The following ZNF556 variants were observed in gnomAD, a reference collection of about 807,000 sequenced individuals.
ZNF556 encodes the protein zinc finger protein 556.
Under a neutral mutation model 13.6 loss-of-function variants are expected in ZNF556, and 11 were observed. The observed-to-expected ratio is 0.81, with a 90% CI of 0.51 to 1.33. ZNF556 has a LOEUF of 1.33. Ranked by LOEUF, ZNF556 falls within the 40% of genes most tolerant of loss-of-function variation. The pLI is 0.00. For synonymous variants in ZNF556, 229 were observed against 207.8 expected, an observed-to-expected ratio of 1.10 and a Z score of -0.88; for missense variants, 633 against 566.2, an observed-to-expected ratio of 1.12 and a Z score of -1.20.
intron 1 of ZNF556, among the ~76,000 whole-genome samples, chr19:2,873,148 T>A (rs897176814): frequency 4.8e-4 from 61 of 127,138 alleles, no homozygotes; most frequent in African/African-American, 1.7e-3. Flanking sequence ...AAAAAAAAAA[T>A]GAAATGTACT....
In ZNF556 at chr19:2,878,740, A is replaced by T. The variant is rs2087883054; in HGVS notation, c.*411A>T. The stretch of plus-strand genomic sequence containing the variant: ...CGTTTATAAATATGGTATTGCCTTT[A>T]TCAGGACCACATCCTAAAAGTGGGC... On this transcript the variant is annotated 3_prime_UTR_variant, in exon 4 of 4. Transcript: ENST00000307635. The T allele has an allele frequency of 6.2e-6, 1 of 161,062 alleles. No individual in the cohort carries two copies. Among genetic ancestry groups the T allele is most frequent in the African/African-American group, 2.4e-5 (1 of 41,506 alleles). The allele number at this position is 161,062 out of a possible 1,614,324, so 10.0% of individuals were successfully genotyped here.
rs773965820 is a variant in ZNF556, at chr19:2,877,926, C to A, written c.968C>A (p.Ala323Glu). 13 of 1,614,092 alleles carry A rather than the reference C, an allele frequency of 8.1e-6. No homozygotes were observed. The highest frequency in any genetic ancestry group is 8.5e-6 in the Non-Finnish European group (10 of 1,180,050). ...TATAAGTGTGGAAAATGCGGGAAAG[C>A]ATTCGGTTGGCCCTCATCCTTACAC... is the stretch of plus-strand genomic sequence containing the variant. ...KPYKCGKCGKAFGWPSSLHKH... is the reference protein window; with the variant it reads ...KPYKCGKCGKEFGWPSSLHKH... The change falls in exon 4 of 4, where the codon GCA becomes GAA. Residue 323 changes from alanine (A) to glutamate (E), a missense_variant. By Grantham distance (107) the Ala-to-Glu change is moderately radical (BLOSUM62 -1). Transcript: ENST00000307635.
At chr19:2,868,214 G>A (rs985558610) in intron 1 of ZNF556, among the ~76,000 whole-genome samples, 4 of 151,644 alleles carry the variant, frequency 2.6e-5, no homozygotes, top group South Asian at 2.1e-4. Flanking sequence ...AGCCCTTGAC[G>A]GGGCTCCCGG....
chr19:2,878,592 C>G lies in ZNF556; in HGVS notation c.*263C>G, dbSNP rs560217414. ...TCAGGAGGCTGAGGCAGGAGAACGG[C>G]GTGAACCCGGGAGGCGGAGCTTGCA... On this transcript the variant is annotated 3_prime_UTR_variant, in exon 4 of 4. Transcript: ENST00000307635. 3 of 305,678 alleles carry G rather than the reference C, an allele frequency of 9.8e-6. No individual in the cohort carries two copies. Among genetic ancestry groups the G allele is most frequent in the African/African-American group, 6.6e-5 (3 of 45,370 alleles). The allele number at this position is 305,678 out of a possible 1,614,324, so 18.9% of individuals were successfully genotyped here. A position where few individuals can be genotyped will look rare whatever the true frequency, so the allele number is the denominator to read the frequency against.
intron 1 of ZNF556, among the ~76,000 whole-genome samples, chr19:2,867,743 AC>A (rs1411253976): frequency 2.3e-5 from 3 of 131,630 alleles, no homozygotes; most frequent in Non-Finnish European, 4.9e-5. Context: ...AAAAAACCTC[AC>A]CCCAGCGAGG....
Position 2,882,531 on chromosome 19 carries a change from A to ATACTGT in ZNF556, c.*4202_*4203insTACTGT, listed in dbSNP as rs57053138. 1 of 127,722 alleles carries ATACTGT rather than the reference A, an allele frequency of 7.8e-6. No individual in the cohort carries two copies. Among genetic ancestry groups the ATACTGT allele is most frequent in the Admixed American group, 8.2e-5 (1 of 12,132 alleles). 7.9% of individuals were successfully genotyped at this position (127,722 alleles called of 1,614,324 possible). ...ATACATTTTATATATATATATATATAGTGTGTGTGTGTGTGTGTGTGTGTG... is the reference window on the plus strand; with the variant it reads ...ATACATTTTATATATATATATATATATACTGTGTGTGTGTGTGTGTGTGTGTGTGTG... On this transcript the variant is annotated 3_prime_UTR_variant, in exon 4 of 4. Coordinates refer to ENST00000307635, the MANE Select transcript of ZNF556 (RefSeq NM_024967.3).
intron 1 of ZNF556, among the ~76,000 whole-genome samples, chr19:2,872,168 C>T (rs1040913005): frequency 8.6e-5 from 13 of 151,952 alleles, no homozygotes; most frequent in Admixed American, 3.9e-4. Context: ...TAACTGCGGG[C>T]GGGCCTGACT....
Position 2,877,825 on chromosome 19 carries a change from C to T in ZNF556, c.867C>T (p.Cys289=). 1.2e-6 allele frequency: 2 copies of T among 1,614,078 alleles called. No homozygotes were observed. The highest frequency in any genetic ancestry group is 1.7e-6 in the Non-Finnish European group (2 of 1,180,020). ...IMHAGGRPYE[C]KQCGKAYCWA... is the part of the protein sequence containing the mutation. ...ACGCCGGAGGGAGACCGTATGAGTG[C>T]AAGCAGTGTGGGAAAGCCTACTGCT... The change falls in exon 4 of 4, where the codon TGC becomes TGT. Residue 289 remains cysteine (C), a synonymous_variant. Coordinates refer to ENST00000307635, the MANE Select transcript of ZNF556 (RefSeq NM_024967.3).
chr19:2,869,729 A>C (rs916630536), intron 1 of ZNF556, among the ~76,000 whole-genome samples: 1 of 151,968 alleles, frequency 6.6e-6, no homozygotes, highest in African/African-American at 2.4e-5. Context: ...TGACACGCCT[A>C]CTTCTCATCT....
Position 2,877,858 on chromosome 19 carries a change from A to G in ZNF556, c.900A>G (p.Thr300=), listed in dbSNP as rs368367710. 4 of 1,614,090 alleles carry G rather than the reference A, an allele frequency of 2.5e-6. No individual in the cohort carries two copies. Among genetic ancestry groups the G allele is most frequent in the South Asian group, 1.1e-5 (1 of 91,090 alleles). Residue 300 remains threonine (T), a synonymous_variant, in exon 4 of 4, where the codon ACA becomes ACG. Coordinates refer to ENST00000307635, the MANE Select transcript of ZNF556 (RefSeq NM_024967.3). Reference sequence around the variant, plus strand: ...GTGGGAAAGCCTACTGCTGGGCAACATCCTTTCAACGACACGTGAGAATTC... The same window carrying G: ...GTGGGAAAGCCTACTGCTGGGCAACGTCCTTTCAACGACACGTGAGAATTC... ...KQCGKAYCWA[T]SFQRHVRIHN...
rs2087879421 is a variant in ZNF556, at chr19:2,878,421, A to C, written c.*92A>C. 8.1e-6 allele frequency: 11 copies of C among 1,354,796 alleles called. No individual in the cohort carries two copies. In the South Asian group the frequency reaches 1.5e-4, roughly 19 times the overall value. 83.9% of individuals were successfully genotyped at this position (1,354,796 alleles called of 1,614,324 possible). The stretch of plus-strand genomic sequence containing the variant: ...CGCAGTGGCTCACGCCTGTAATCCC[A>C]GCACTTTGGGAGGCCGAGGCAGGCG... On this transcript the variant is annotated 3_prime_UTR_variant, in exon 4 of 4. Transcript: ENST00000307635.
At position 2,880,325 on chromosome 19, in the gene ZNF556, C is replaced by T; in HGVS notation, c.*1996C>T. Reference sequence around the variant, plus strand: ...GTTTTTAAAGAAGTTGGATTCTATACAAATGGATAAAATGTTTCTTAGAAA... The same window carrying T: ...GTTTTTAAAGAAGTTGGATTCTATATAAATGGATAAAATGTTTCTTAGAAA... On this transcript the variant is annotated 3_prime_UTR_variant, in exon 4 of 4. Coordinates refer to ENST00000307635, the MANE Select transcript of ZNF556 (RefSeq NM_024967.3). 6.6e-6 allele frequency: 1 copy of T among 152,134 alleles called. No individual in the cohort carries two copies. Among genetic ancestry groups the T allele is most frequent in the East Asian group, 1.9e-4 (1 of 5,198 alleles). The allele number at this position is 152,134 out of a possible 1,614,324, so 9.4% of individuals were successfully genotyped here.
At chr19:2,869,772 G>A (rs528720203) in intron 1 of ZNF556, among the ~76,000 whole-genome samples, 1 of 152,286 alleles carries the variant, frequency 6.6e-6, no homozygotes, top group East Asian at 1.9e-4. Context: ...TGGTGTCCCG[G>A]TGTCTGTATG....
rs567969820 is a variant in ZNF556 at position 2,878,438 on chromosome 19, A to T, written c.*109A>T. The T allele has an allele frequency of 1.1e-4, 123 of 1,083,776 alleles. No homozygotes were observed. In the African/African-American group the frequency reaches 1.7e-3, roughly 15 times the overall value. The allele number at this position is 1,083,776 out of a possible 1,614,324, so 67.1% of individuals were successfully genotyped here. ...GTAATCCCAGCACTTTGGGAGGCCG[A>T]GGCAGGCGGATCACGAGGTCAGGAG... On this transcript the variant is annotated 3_prime_UTR_variant, in exon 4 of 4. Coordinates refer to ENST00000307635, the MANE Select transcript of ZNF556 (RefSeq NM_024967.3).
rs904719203 is a variant in ZNF556 at position 2,881,799 on chromosome 19, T to C, written c.*3470T>C. ...GAACTGCTCATGAGTTAGGAAATAG[T>C]GAGCAGTAATACAGAAATAACGGCA... On this transcript the variant is annotated 3_prime_UTR_variant, in exon 4 of 4. Transcript: ENST00000307635. The C allele has an allele frequency of 1.3e-5, 2 of 151,918 alleles. No homozygotes were observed. The highest frequency in any genetic ancestry group is 2.4e-5 in the African/African-American group (1 of 41,352). 9.4% of individuals were successfully genotyped at this position (151,918 alleles called of 1,614,324 possible).
At position 2,878,634 on chromosome 19, in the gene ZNF556, C is replaced by CGG. The variant is rs1568355535; in HGVS notation, c.*305_*306insGG. On this transcript the variant is annotated 3_prime_UTR_variant, in exon 4 of 4. Transcript: ENST00000307635. The stretch of plus-strand genomic sequence containing the variant: ...GAGCTTGCAGTGAGCCGAGATGGCA[C>CGG]CACTGCACTCCAGCCTGGGTGACAG... 4 of 232,618 alleles carry CGG rather than the reference C, an allele frequency of 1.7e-5. No homozygotes were observed. The East Asian group carries it at 4.3e-4, about 25-fold the overall frequency. 14.4% of individuals were successfully genotyped at this position (232,618 alleles called of 1,614,324 possible).
At chr19:2,875,332 T>C (rs1358828773) in intron 2 of ZNF556, 1 of 152,124 alleles carries the variant, frequency 6.6e-6, no homozygotes, top group Non-Finnish European at 1.5e-5. Context: ...TAGCTGGGAC[T>C]ACAGGCGCCC....
In ZNF556 at chr19:2,878,138, G is replaced by A. The variant is rs1414962833; in HGVS notation, c.1180G>A (p.Gly394Arg). The change falls in exon 4 of 4, where the codon GGG (glycine) becomes AGG (arginine). Residue 394 changes from glycine to arginine, a missense_variant. Transcript: ENST00000307635. ...ACACAAACATGAGAGAAAGCACACT[G>A]GGGAGAAACCTGTAAATGCAGCCAG... The part of the protein sequence containing the change: ...SLHKHERKHT[G>R]EKPVNAASVG... 6.2e-7 allele frequency: 1 copy of A among 1,614,040 alleles called. No individual in the cohort carries two copies. Among genetic ancestry groups the A allele is most frequent in the Non-Finnish European group, 8.5e-7 (1 of 1,180,036 alleles).
At position 2,877,477 on chromosome 19, in the gene ZNF556, A is replaced by C; in HGVS notation, c.519A>C (p.Lys173Asn). The C allele has an allele frequency of 6.2e-7, 1 of 1,614,178 alleles. No individual in the cohort carries two copies. Among genetic ancestry groups the C allele is most frequent in the Middle Eastern group, 1.6e-4 (1 of 6,062 alleles). The stretch of plus-strand genomic sequence containing the variant: ...ACAAAAGAGCTCACTCTGGACAAAA[A>C]TTATATAAATGTAAGGAATGTGGGA... ...IRHKRAHSGQKLYKCKECGKA... is the reference protein window; with the variant it reads ...IRHKRAHSGQNLYKCKECGKA... Residue 173 changes from lysine to asparagine, a missense_variant, in exon 4 of 4, where the codon AAA becomes AAC. Physicochemically the swap from Lys to Asn is moderately conservative, Grantham distance 94. Transcript: ENST00000307635.
Sources: gnomAD v4.1 joint callset for allele counts (sites outside exome capture counted in the v4.1 genomes callset) on GRCh38, gnomAD v4.1.1 for gene constraint, MANE v1.5 for transcripts, NCBI Gene and HGNC (gene_info 2026-07-23, HGNC 2026-07-21) for gene names.